The following RAD17 variants were observed in gnomAD, a reference collection of about 807,000 sequenced individuals.
The protein encoded by RAD17 is cell cycle checkpoint protein RAD17.
In RAD17, 31 loss-of-function variants were observed where a neutral mutation model predicts 81.5. The ratio of observed to expected loss-of-function variants is 0.38; its 90% CI spans 0.29 to 0.51. The LOEUF is 0.51. RAD17 is among the 20% of genes least tolerant of loss of function. The pLI is 0.88. For missense variants in RAD17, 681 were observed against 781.2 expected, an observed-to-expected ratio of 0.87 and a Z score of 1.53; for synonymous variants, 261 against 266.2, an observed-to-expected ratio of 0.98 and a Z score of 0.19.
At chr5:69,396,212 T>C (rs561234227) in intron 15 of RAD17, among the ~76,000 whole-genome samples, 185 bp from the exon 16 acceptor site, 4 of 152,316 alleles carry the variant, frequency 2.6e-5, no homozygotes, top group African/African-American at 9.6e-5. Context: ...TTTAATTTGA[T>C]GGCTATGTCC....
At chr5:69,379,540 T>C (rs887748557) in intron 6 of RAD17, among the ~76,000 whole-genome samples, 9 of 152,152 alleles carry the variant, frequency 5.9e-5, no homozygotes, top group African/African-American at 2.2e-4. Context: ...CTTTATAAAC[T>C]TTTAGATTCT....
chr5:69,396,184 C>G (rs1764873951), intron 15 of RAD17, among the ~76,000 whole-genome samples: 1 of 152,134 alleles, frequency 6.6e-6, no homozygotes, highest in Non-Finnish European at 1.5e-5. Flanking sequence ...TGTCCAAGAT[C>G]CAGTCAGGGT....
At chr5:69,396,632 A>G (rs1404090076) in intron 16 of RAD17, 86 bp downstream of exon 16, 33 of 1,285,872 alleles carry the variant, frequency 2.6e-5, no homozygotes, top group Non-Finnish European at 3.3e-5. Context: ...ATTTTCTTTA[A>G]AACATAACAA....
chr5:69,369,808 C>G, upstream of RAD17: 1 of 1,188,788 alleles, frequency 8.4e-7, no homozygotes, highest in Non-Finnish European at 1.2e-6. Flanking sequence ...TGGAAGGTCC[C>G]CGGGAGGCCG....
At chr5:69,369,788 C>T (rs554229268), upstream of RAD17, 74 of 1,394,172 alleles carry the variant, frequency 5.3e-5, 2 homozygotes, top group Middle Eastern at 7.1e-4. Flanking sequence ...TTCGCTTGCG[C>T]CGACCAGTCT....
rs116987927 is a variant in RAD17 at position 69,382,357 on chromosome 5, A to T, written c.508+300A>T. On this transcript the variant is annotated intron_variant, in intron 7 of 18. Transcript: ENST00000354868. ...ACTACTCAAGGGCTGAGGTGTGAGG[A>T]TCACTTGAGCCCATGAGTTCAAGGT... 4.6e-4 allele frequency among the ~76,000 whole-genome samples: 70 copies of T among 152,312 alleles called. No homozygotes were observed. The East Asian group carries it at 0.013, about 27-fold the overall frequency.
chr5:69,410,658 T>A (rs1183929034), intron 18 of RAD17, 108 bp downstream of exon 18: 4 of 987,442 alleles, frequency 4.1e-6, no homozygotes, highest in Non-Finnish European at 6.2e-6. Flanking sequence ...AGACATACTG[T>A]ACCTAGTAAT....
At chr5:69,383,583 T>C (rs1379236805) in intron 7 of RAD17, among the ~76,000 whole-genome samples, 3 of 152,032 alleles carry the variant, frequency 2.0e-5, no homozygotes, top group Non-Finnish European at 2.9e-5. Flanking sequence ...TTTCACCACG[T>C]TGGTCAGGTT....
chr5:69,374,054 A>G lies in RAD17; in HGVS notation c.234A>G (p.Glu78=), dbSNP rs1227975752. The change falls in exon 5 of 19, where the codon GAA becomes GAG. Residue 78 remains glutamate (E), a synonymous_variant. Transcript: ENST00000354868. ...ENSKEYLSEN[E]PWVDKYKPET... Reference sequence around the variant, plus strand: ...CAAAAGAATATCTGTCTGAAAATGAACCATGGGTGGATAAATATAAACCAG... The same window carrying G: ...CAAAAGAATATCTGTCTGAAAATGAGCCATGGGTGGATAAATATAAACCAG... 6.2e-7 allele frequency: 1 copy of G among 1,609,998 alleles called. No individual in the cohort carries two copies. The highest frequency in any genetic ancestry group is 8.5e-7 in the Non-Finnish European group (1 of 1,177,744).
At chr5:69,402,394 A>G (rs899320166) in intron 17 of RAD17, among the ~76,000 whole-genome samples, 2 of 151,668 alleles carry the variant, frequency 1.3e-5, no homozygotes, top group African/African-American at 2.4e-5. Context: ...GGCTGGGCGC[A>G]GTGGTTCACG....
At chr5:69,379,304 A>G (rs1377711777) in intron 6 of RAD17, among the ~76,000 whole-genome samples, 2 of 152,184 alleles carry the variant, frequency 1.3e-5, no homozygotes, top group Non-Finnish European at 2.9e-5. Context: ...ATACATTTAT[A>G]TAGGGAACTT....
Position 69,373,853 on chromosome 5 carries a change from A to G in RAD17, c.33A>G (p.Ser11=). ...AGGTAACAGACTGGGTTGACCCATCATTTGATGATTTTCTAGAGTGTAGTG... is the reference window on the plus strand; with the variant it reads ...AGGTAACAGACTGGGTTGACCCATCGTTTGATGATTTTCTAGAGTGTAGTG... MNQVTDWVDP[S]FDDFLECSGV... The change falls in exon 5 of 19, where the codon TCA becomes TCG. Residue 11 remains serine (S), a synonymous_variant. Coordinates refer to ENST00000354868, the MANE Select transcript of RAD17 (RefSeq NM_133338.3). 1 of 1,608,962 alleles carries G rather than the reference A, an allele frequency of 6.2e-7. No individual in the cohort carries two copies. Among genetic ancestry groups the G allele is most frequent in the Non-Finnish European group, 8.5e-7 (1 of 1,177,138 alleles).
intron 17 of RAD17, among the ~76,000 whole-genome samples, chr5:69,406,903 A>G (rs1765637246): frequency 6.6e-6 from 1 of 152,040 alleles, no homozygotes; most frequent in African/African-American, 2.4e-5. Context: ...TTAATTAGCT[A>G]TAGTCATTCT....
At position 69,371,458 on chromosome 5, in the gene RAD17, A is replaced by T; in HGVS notation, c.-275A>T. ...TCTTCCCCCCCCCCCCCCCAGGTGA[A>T]TTATAGTTTAATGTACTGCAAGTCC... On this transcript the variant is annotated 5_prime_UTR_variant, in exon 3 of 19. Coordinates refer to ENST00000354868, the MANE Select transcript of RAD17 (RefSeq NM_133338.3). 2 of 378,244 alleles carry T rather than the reference A, an allele frequency of 5.3e-6. No homozygotes were observed. Among genetic ancestry groups the T allele is most frequent in the Non-Finnish European group, 9.3e-6 (2 of 214,838 alleles). 23.4% of individuals were successfully genotyped at this position (378,244 alleles called of 1,614,324 possible).
rs528829350 is a variant in RAD17 at position 69,404,932 on chromosome 5, G to T, written c.1693+4763G>T. ...TCTAGCCTGGGGGACAGAGTGAGAT[G>T]CTGTCTCAAAAGGCAAAGGACCAGA... On this transcript the variant is annotated intron_variant, in intron 17 of 18. Transcript: ENST00000354868. Among the ~76,000 whole-genome samples the T allele has an allele frequency of 2.0e-5, 3 of 152,176 alleles. No homozygotes were observed. The East Asian group carries it at 5.8e-4, about 29-fold the overall frequency.
chr5:69,396,060 A>G (rs578108497), intron 15 of RAD17, among the ~76,000 whole-genome samples: 90 of 152,346 alleles, frequency 5.9e-4, no homozygotes, highest in Middle Eastern at 6.8e-3. Context: ...CTAATTAGTT[A>G]TATAATTAAG....
rs543986816 is a variant in RAD17 at position 69,377,342 on chromosome 5, C to T, written c.351+2631C>T. On this transcript the variant is annotated intron_variant, in intron 6 of 18. Transcript: ENST00000354868. ...GTTTTCTCACTTAGCAATACTCTGT[C>T]AGTATAAACATTGTCACATCATAAA... Among the ~76,000 whole-genome samples, 112 of 147,916 alleles carry T rather than the reference C, an allele frequency of 7.6e-4. 1 individual carries two copies. Among genetic ancestry groups the T allele is most frequent in the African/African-American group, 2.8e-3 (110 of 39,886 alleles).
At chr5:69,384,360 G>A (rs1239304640) in intron 7 of RAD17, among the ~76,000 whole-genome samples, 1 of 150,786 alleles carries the variant, frequency 6.6e-6, no homozygotes, top group East Asian at 2.0e-4. Flanking sequence ...AGGCTGGAGT[G>A]CAGTGACACA....
rs775954982 is a variant in RAD17 at position 69,399,705 on chromosome 5, AATT to A, written c.1573-340_1573-338del. On this transcript the variant is annotated intron_variant, in intron 16 of 18. Coordinates refer to ENST00000354868, the MANE Select transcript of RAD17 (RefSeq NM_133338.3). ...CATAACGTGTTGACTAAAGAAAACA[AATT>A]ATTTCATTGAAAACTATTTTCGTGT... Among the ~76,000 whole-genome samples the A allele has an allele frequency of 2.9e-4, 44 of 152,326 alleles. 1 individual carries two copies. Among genetic ancestry groups the A allele is most frequent in the Admixed American group, 5.2e-4 (8 of 15,300 alleles).
Sources: gnomAD v4.1 joint callset for allele counts (sites outside exome capture counted in the v4.1 genomes callset) on GRCh38, gnomAD v4.1.1 for gene constraint, MANE v1.5 for transcripts, NCBI Gene and HGNC (gene_info 2026-07-23, HGNC 2026-07-21) for gene names.